Variants in SV2C observed in about 807,000 individuals in gnomAD.
SV2C encodes synaptic vesicle glycoprotein 2C.
In SV2C, 49 loss-of-function variants were observed where a neutral mutation model predicts 79.7. The observed-to-expected ratio is 0.61, with a 90% CI of 0.49 to 0.78. SV2C has a LOEUF of 0.78. Ranked by LOEUF, SV2C falls within the 30% of genes least tolerant of loss-of-function variation. SV2C has a pLI of 0.00. For missense variants in SV2C, 833 were observed against 912.9 expected, an observed-to-expected ratio of 0.91 and a Z score of 1.13; for synonymous variants, 334 against 333.2, an observed-to-expected ratio of 1.00 and a Z score of -0.03.
chr5:76,096,376 G>A (rs1235065631), intron 1 of SV2C, among the ~76,000 whole-genome samples: 1 of 152,130 alleles, frequency 6.6e-6, no homozygotes, highest in Non-Finnish European at 1.5e-5. Flanking sequence ...GACATTGATT[G>A]CCACATCATG....
the SV2C span, among the ~76,000 whole-genome samples, chr5:75,902,777 A>G: frequency 6.6e-6 from 1 of 152,250 alleles, no homozygotes; most frequent in African/African-American, 2.4e-5. Flanking sequence ...AAGTTGATCA[A>G]CTAAAATAGG....
At chr5:76,203,145 G>T (rs1381321946) in intron 3 of SV2C, among the ~76,000 whole-genome samples, 1 of 152,142 alleles carries the variant, frequency 6.6e-6, no homozygotes, top group Non-Finnish European at 1.5e-5. Flanking sequence ...CAGAACAAAA[G>T]ATCTTCCAGA....
At chr5:76,049,846 T>C in the SV2C span, among the ~76,000 whole-genome samples, 1 of 152,234 alleles carries the variant, frequency 6.6e-6, no homozygotes, top group Non-Finnish European at 1.5e-5. Flanking sequence ...ACTTCTATAG[T>C]TACATCACGT....
At chr5:76,086,661 T>C (rs968448579) in intron 1 of SV2C, among the ~76,000 whole-genome samples, 29 of 152,170 alleles carry the variant, frequency 1.9e-4, no homozygotes, top group Admixed American at 3.3e-4. Context: ...TGATGCAACA[T>C]TGCCACATTG....
chr5:75,882,234 A>T, the SV2C span, among the ~76,000 whole-genome samples: 2 of 150,866 alleles, frequency 1.3e-5, no homozygotes, highest in Non-Finnish European at 3.0e-5. Context: ...ATCAATGTTC[A>T]TCGAGGAAAT....
chr5:76,153,115 A>C (rs1742605648), intron 2 of SV2C, among the ~76,000 whole-genome samples: 1 of 152,166 alleles, frequency 6.6e-6, no homozygotes, highest in South Asian at 2.1e-4. Context: ...CTTCCTCCAA[A>C]CCCTCTGGGG....
chr5:76,286,996 C>A (rs889943919), intron 6 of SV2C, among the ~76,000 whole-genome samples: 4 of 152,114 alleles, frequency 2.6e-5, no homozygotes, highest in Non-Finnish European at 4.4e-5. Context: ...ACGGCCAAAC[C>A]ATATCACCTG....
At chr5:76,131,381 G>T (rs1172186002) in intron 1 of SV2C, among the ~76,000 whole-genome samples, 1 of 152,110 alleles carries the variant, frequency 6.6e-6, no homozygotes, top group Non-Finnish European at 1.5e-5. Flanking sequence ...GAATTCCTGT[G>T]TACTGTTACC....
At chr5:76,196,509 G>A (rs1744275295) in intron 3 of SV2C, among the ~76,000 whole-genome samples, 1 of 152,148 alleles carries the variant, frequency 6.6e-6, no homozygotes, top group South Asian at 2.1e-4. Flanking sequence ...TGGACTCAAA[G>A]GGTTTCAGCA....
rs554653198 is a variant in SV2C at position 76,325,390 on chromosome 5, C to A, written c.2027C>A (p.Ala676Glu). The change falls in exon 13 of 13, where the codon GCG (alanine) becomes GAG (glutamate). Residue 676 changes from alanine (A) to glutamate (E), a missense_variant. By Grantham distance (107) the Ala-to-Glu change is moderately radical. Coordinates refer to ENST00000502798, the MANE Select transcript of SV2C (RefSeq NM_014979.4). ...GCAACAGGCTTTGGCTTCTTAAATG[C>A]GCTATGCAAGGCAGCAGCCGTCCTG... is the stretch of plus-strand genomic sequence containing the variant. Reference protein sequence around the residue: ...RRATGFGFLNALCKAAAVLGN... With the variant: ...RRATGFGFLNELCKAAAVLGN... 6.2e-7 allele frequency: 1 copy of A among 1,614,136 alleles called. No individual in the cohort carries two copies.
intron 12 of SV2C, among the ~76,000 whole-genome samples, chr5:76,346,807 GC>G (rs1164357078): frequency 6.6e-6 from 1 of 152,150 alleles, no homozygotes; most frequent in Non-Finnish European, 1.5e-5. Context: ...CAGTGATCTG[GC>G]CCCTGCCTCC....
intron 4 of SV2C, among the ~76,000 whole-genome samples, chr5:76,251,385 A>T (rs1033174221): frequency 2.0e-5 from 3 of 151,824 alleles, no homozygotes; most frequent in Non-Finnish European, 2.9e-5. Flanking sequence ...TCTACAGAAA[A>T]AATAATAATA....
At chr5:76,232,279 G>A (rs1264016290) in intron 4 of SV2C, among the ~76,000 whole-genome samples, 52 of 149,224 alleles carry the variant, frequency 3.5e-4, no homozygotes, top group Non-Finnish European at 1.8e-4. Flanking sequence ...ACTTTTTGAT[G>A]GGGTTGTTTG....
At chr5:76,053,440 T>C in the SV2C span, among the ~76,000 whole-genome samples, 1 of 152,184 alleles carries the variant, frequency 6.6e-6, no homozygotes, top group Non-Finnish European at 1.5e-5. Context: ...CTTCTAGTCG[T>C]GGACTGGGAG....
Position 76,325,404 on chromosome 5 carries a change from G to C in SV2C, c.2041G>C (p.Ala681Pro). 1 of 1,614,216 alleles carries C rather than the reference G, an allele frequency of 6.2e-7. No individual in the cohort carries two copies. Among genetic ancestry groups the C allele is most frequent in the Non-Finnish European group, 8.5e-7 (1 of 1,180,046 alleles). The part of the protein sequence containing the change: ...FGFLNALCKA[A>P]AVLGNLIFGS... ...CTTCTTAAATGCGCTATGCAAGGCA[G>C]CAGCCGTCCTGGGAAACTTAATATT... Residue 681 changes from alanine (A) to proline (P), a missense_variant, in exon 13 of 13, where the codon GCA becomes CCA. Coordinates refer to ENST00000502798, the MANE Select transcript of SV2C (RefSeq NM_014979.4).
At chr5:76,257,278 TGTGTGTGTGTGTA>T (rs750383644) in intron 4 of SV2C, among the ~76,000 whole-genome samples, 1 of 127,584 alleles carries the variant, frequency 7.8e-6, no homozygotes, top group African/African-American at 3.5e-5. Flanking sequence ...TGTGTGTGTG[TGTGTGTGTGTGTA>T]GTGTGTGTGT....
chr5:75,901,379 A>C, the SV2C span, among the ~76,000 whole-genome samples: 3 of 152,194 alleles, frequency 2.0e-5, no homozygotes, highest in African/African-American at 7.2e-5. Flanking sequence ...GGGTATCAGC[A>C]GTGGTGGCTG....
At chr5:76,141,961 T>C (rs1052866726) in intron 2 of SV2C, among the ~76,000 whole-genome samples, 1 of 152,130 alleles carries the variant, frequency 6.6e-6, no homozygotes, top group Admixed American at 6.5e-5. Context: ...GATTTCAGAT[T>C]ATCAGTATGC....
chr5:75,900,654 A>G, the SV2C span, among the ~76,000 whole-genome samples: 1 of 152,116 alleles, frequency 6.6e-6, no homozygotes, highest in Non-Finnish European at 1.5e-5. Flanking sequence ...TATCCTGCAG[A>G]GTGTTTTCCA....
Sources: allele counts gnomAD v4.1 joint callset (sites outside exome capture counted in the v4.1 genomes callset), GRCh38; gene constraint gnomAD v4.1.1; transcripts MANE v1.5; gene names NCBI Gene and HGNC (gene_info 2026-07-23, HGNC 2026-07-21).